Variants in ATRNL1 observed in about 807,000 individuals in gnomAD.
ATRNL1 encodes the protein attractin like 1, also known as attractin-like protein 1.
ATRNL1 carries 95 observed loss-of-function variants against 182.7 expected under a neutral mutation model. That is an observed-to-expected ratio of 0.52 (90% CI 0.44 to 0.62). The LOEUF (loss-of-function observed/expected upper bound fraction) is 0.62, where lower values mean the gene tolerates loss of function less well. ATRNL1 is among the 20% of genes least tolerant of loss of function. The pLI is 0.00. For missense variants in ATRNL1, 1,471 were observed against 1,679.5 expected (o/e 0.88, Z 2.17); for synonymous variants, 576 against 568.3 (o/e 1.01, Z -0.19).
At chr10:115,433,254 T>C (rs1230818102) in intron 21 of ATRNL1, among the ~76,000 whole-genome samples, 2 of 152,240 alleles carry the variant, frequency 1.3e-5, no homozygotes, top group East Asian at 1.9e-4. Flanking sequence ...TTACTTAAAA[T>C]AGTATGTCAT....
intron 28 of ATRNL1, among the ~76,000 whole-genome samples, chr10:115,937,363 T>C (rs931989300): frequency 6.6e-6 from 1 of 152,236 alleles, no homozygotes; most frequent in Non-Finnish European, 1.5e-5. Flanking sequence ...AGGGGAAATA[T>C]CTCTTCAAAT....
chr10:115,899,206 A>AT (rs71010055), intron 28 of ATRNL1, among the ~76,000 whole-genome samples: 2,959 of 152,092 alleles, frequency 0.019, 35 homozygotes, highest in Middle Eastern at 0.031. Context: ...TCATTGTTCA[A>AT]TTCCCATCTA....
intron 19 of ATRNL1, among the ~76,000 whole-genome samples, chr10:115,349,142 C>T: frequency 6.6e-6 from 1 of 151,944 alleles, no homozygotes; most frequent in East Asian, 2.0e-4. Context: ...CTCTAGTAAC[C>T]ACCATTTCAT....
At chr10:115,555,841 G>T (rs1165036238) in intron 26 of ATRNL1, among the ~76,000 whole-genome samples, 1 of 151,844 alleles carries the variant, frequency 6.6e-6, no homozygotes, top group Non-Finnish European at 1.5e-5. Context: ...TCAAATAATG[G>T]GCAAGTTGAG....
chr10:115,934,638 A>G (rs1953501500), intron 28 of ATRNL1, among the ~76,000 whole-genome samples: 1 of 151,890 alleles, frequency 6.6e-6, no homozygotes, highest in Non-Finnish European at 1.5e-5. Context: ...ATCTCTCCTT[A>G]TTGCCACATT....
At chr10:115,313,330 T>C (rs1351054621) in intron 17 of ATRNL1, among the ~76,000 whole-genome samples, 1 of 152,150 alleles carries the variant, frequency 6.6e-6, no homozygotes, top group African/African-American at 2.4e-5. Context: ...CTTGAGAATG[T>C]GACTTTAATG....
At position 115,430,836 on chromosome 10, in the gene ATRNL1, G is replaced by C. The variant is rs574133944; in HGVS notation, c.3322+4534G>C. 1.3e-3 allele frequency among the ~76,000 whole-genome samples: 197 copies of C among 152,234 alleles called. 1 individual carries two copies. The highest frequency in any genetic ancestry group is 4.4e-3 in the African/African-American group (184 of 41,546). On this transcript the variant is annotated intron_variant, in intron 21 of 28. Transcript: ENST00000355044. ...GACGTGGGTGCCGTGGGCATCTCAT[G>C]GGTAGAGGCTAGGGATGCTGGTAAA... is the stretch of plus-strand genomic sequence containing the variant.
chr10:115,663,140 A>G (rs1860794756), intron 26 of ATRNL1, among the ~76,000 whole-genome samples: 1 of 152,072 alleles, frequency 6.6e-6, no homozygotes, highest in African/African-American at 2.4e-5. Context: ...TGCTCAATAT[A>G]CATTATATTA....
At chr10:115,943,266 C>T (rs2134629399) in intron 28 of ATRNL1, among the ~76,000 whole-genome samples, 1 of 152,284 alleles carries the variant, frequency 6.6e-6, no homozygotes, top group East Asian at 1.9e-4. Context: ...ATTTACAAAA[C>T]ACATATCTGA....
At chr10:115,613,903 C>T (rs529440278) in intron 26 of ATRNL1, among the ~76,000 whole-genome samples, 17 of 151,742 alleles carry the variant, frequency 1.1e-4, no homozygotes, top group African/African-American at 4.1e-4. Context: ...ATTTGGGTCT[C>T]CACTGTTTTT....
chr10:115,557,734 T>C (rs568683743), intron 26 of ATRNL1, among the ~76,000 whole-genome samples: 1 of 152,096 alleles, frequency 6.6e-6, no homozygotes, highest in South Asian at 2.1e-4. Context: ...CAACGCTAAC[T>C]AGTGAAAAAA....
chr10:115,248,880 T>C (rs1246829843), intron 10 of ATRNL1, among the ~76,000 whole-genome samples: 1 of 152,218 alleles, frequency 6.6e-6, no homozygotes, highest in Non-Finnish European at 1.5e-5. Context: ...AAATGGCTAA[T>C]ATAGGTTTTT....
intron 26 of ATRNL1, among the ~76,000 whole-genome samples, chr10:115,592,747 T>G (rs782509282): frequency 7.2e-5 from 11 of 152,252 alleles, no homozygotes; most frequent in Non-Finnish European, 1.3e-4. Context: ...AATCAGTTTC[T>G]ATTTATCCAG....
Position 115,274,314 on chromosome 10 carries a change from C to T in ATRNL1, c.2100+5870C>T, listed in dbSNP as rs146478059. Among the ~76,000 whole-genome samples the T allele has an allele frequency of 5.0e-3, 759 of 152,282 alleles. 4 individuals carry two copies. Among genetic ancestry groups the T allele is most frequent in the African/African-American group, 0.016 (671 of 41,564 alleles). On this transcript the variant is annotated intron_variant, in intron 13 of 28. Transcript: ENST00000355044. ...TCACTTGGTAAATGGGTCAAAGTAACATACCCCAGTGAGGAATGTGTTACC... is the reference window on the plus strand; with the variant it reads ...TCACTTGGTAAATGGGTCAAAGTAATATACCCCAGTGAGGAATGTGTTACC...
At chr10:115,541,813 A>G (rs1852376244) in intron 25 of ATRNL1, among the ~76,000 whole-genome samples, 1 of 152,154 alleles carries the variant, frequency 6.6e-6, no homozygotes, top group Admixed American at 6.5e-5. Context: ...TAAATGTGAT[A>G]GTTCCTTTTG....
At chr10:115,784,739 T>G (rs532488395) in intron 27 of ATRNL1, among the ~76,000 whole-genome samples, 76 of 152,296 alleles carry the variant, frequency 5.0e-4, no homozygotes, top group African/African-American at 1.3e-3. Context: ...AGTCCTCACA[T>G]GACCTTCTTC....
chr10:115,658,472 T>C (rs1364045165), intron 26 of ATRNL1, among the ~76,000 whole-genome samples: 1 of 152,176 alleles, frequency 6.6e-6, no homozygotes, highest in Non-Finnish European at 1.5e-5. Context: ...AGTATCCTTC[T>C]TCTGTGGATA....
rs371024008 is a variant in ATRNL1 at position 115,540,985 on chromosome 10, A to G, written c.3717-8473A>G. Among the ~76,000 whole-genome samples, 40 of 152,328 alleles carry G rather than the reference A, an allele frequency of 2.6e-4. 1 individual carries two copies. In the South Asian group the frequency reaches 8.1e-3, roughly 31 times the overall value. On this transcript the variant is annotated intron_variant, in intron 25 of 28. Transcript: ENST00000355044. Reference sequence around the variant, plus strand: ...AAAAACAATGAAATATCTAGAAGGTAATGTAGGAATTATTCTTCATAACAT... The same window carrying G: ...AAAAACAATGAAATATCTAGAAGGTGATGTAGGAATTATTCTTCATAACAT...
At chr10:115,791,831 A>G (rs1268301939) in intron 27 of ATRNL1, among the ~76,000 whole-genome samples, 2 of 152,178 alleles carry the variant, frequency 1.3e-5, no homozygotes, top group Admixed American at 6.5e-5. Context: ...GATATGAGTC[A>G]GAATCAACTG....
Sources: allele counts gnomAD v4.1 joint callset (sites outside exome capture counted in the v4.1 genomes callset), GRCh38; gene constraint gnomAD v4.1.1; transcripts MANE v1.5; gene names NCBI Gene and HGNC (gene_info 2026-07-23, HGNC 2026-07-21).